PRRC2C: variants seen among roughly 807,000 people sequenced by gnomAD.
The protein encoded by PRRC2C is protein PRRC2C.
Under a neutral mutation model 317.2 loss-of-function variants are expected in PRRC2C, and 72 were observed. That is an observed-to-expected ratio of 0.23 (90% CI 0.19 to 0.28). The LOEUF is 0.28. Among genes scored for constraint, PRRC2C ranks in the 10% least tolerant of loss-of-function variants. The probability of loss-of-function intolerance (pLI) is 1.00; values close to 1 mark genes in which losing one functional copy is unlikely to be tolerated. For synonymous variants in PRRC2C, 1,296 were observed against 1,205.9 expected (o/e 1.07, Z -1.55); for missense variants, 3,074 against 3,459.7 (o/e 0.89, Z 2.80).
chr1:171,536,095 T>A lies in PRRC2C; in HGVS notation c.2110T>A (p.Ser704Thr). 1 of 1,558,230 alleles carries A rather than the reference T, an allele frequency of 6.4e-7. No homozygotes were observed. Among genetic ancestry groups the A allele is most frequent in the African/African-American group, 1.4e-5 (1 of 73,696 alleles). Residue 704 changes from serine (S) to threonine (T), a missense_variant, in exon 14 of 35, where the codon TCA becomes ACA. Ser to Thr is a moderately conservative substitution (Grantham distance 58, BLOSUM62 1). Coordinates refer to ENST00000647382, the MANE Select transcript of PRRC2C (RefSeq NM_001387844.1). ...AGGTGTACTTCCACAGACTGTTCCT[T>A]CACAACCGTCCAGTAGTACTGTCCC... ...QQGVLPQTVP[S>T]QPSSSTVPPP...
chr1:171,591,661 A>T lies in PRRC2C; in HGVS notation c.8511A>T (p.Gly2837=). 2 of 1,613,934 alleles carry T rather than the reference A, an allele frequency of 1.2e-6. No individual in the cohort carries two copies. Among genetic ancestry groups the T allele is most frequent in the Non-Finnish European group, 1.7e-6 (2 of 1,179,874 alleles). ...AACAGCAACAGAGCAAACAGATAGG[A>T]GGAGGCAAAGCCCAGAAAGTGGACA... The part of the protein sequence containing the change: ...FSEQQQSKQI[G]GGKAQKVDSD... The change falls in exon 35 of 35, where the codon GGA becomes GGT. Residue 2837 remains glycine (G), a synonymous_variant. Coordinates refer to ENST00000647382, the MANE Select transcript of PRRC2C (RefSeq NM_001387844.1).
chr1:171,570,974 A>G (rs1239612232), intron 23 of PRRC2C, among the ~76,000 whole-genome samples: 1 of 152,176 alleles, frequency 6.6e-6, no homozygotes, highest in Admixed American at 6.6e-5. Flanking sequence ...ACATAGACCA[A>G]TTGAATCAAA....
chr1:171,589,348 T>G, intron 33 of PRRC2C, 21 bp from the exon 34 acceptor site: 9 of 959,258 alleles, frequency 9.4e-6, no homozygotes, highest in East Asian at 6.2e-5. Context: ...CAATGTTGTA[T>G]GTTTTGTTTT....
At chr1:171,511,889 G>A (rs1055253140) in intron 1 of PRRC2C, 143 bp from the exon 2 acceptor site, 2 of 430,536 alleles carry the variant, frequency 4.6e-6, no homozygotes, top group Non-Finnish European at 8.7e-6. Flanking sequence ...GATCAATTTT[G>A]TTGTGTATTG....
chr1:171,508,242 A>T (rs186081792), intron 1 of PRRC2C, among the ~76,000 whole-genome samples: 1 of 152,292 alleles, frequency 6.6e-6, no homozygotes, highest in African/African-American at 2.4e-5. Context: ...AAAAGCCTTC[A>T]GGTTTTTCCC....
chr1:171,584,307 C>G, intron 29 of PRRC2C, 112 bp from the exon 30 acceptor site: 1 of 1,350,198 alleles, frequency 7.4e-7, no homozygotes, highest in Non-Finnish European at 1.0e-6. Flanking sequence ...AAAGTCCTTT[C>G]ATTTATCTAA....
Position 171,541,853 on chromosome 1 carries a change from G to A in PRRC2C, c.4387G>A (p.Val1463Ile), listed in dbSNP as rs777749031. The change falls in exon 16 of 35, where the codon GTT becomes ATT. Residue 1463 changes from valine to isoleucine, a missense_variant. Physicochemically the swap from Val to Ile is conservative, Grantham distance 29 (BLOSUM62 3). Around this residue, in one of 11 missense-constraint regions of PRRC2C, gnomAD observed 1,320 missense variants for 1,395.7 expected, o/e 0.95. Coordinates refer to ENST00000647382, the MANE Select transcript of PRRC2C (RefSeq NM_001387844.1). The surrounding 1 kb of genome is among the most constrained non-coding windows in gnomAD (Gnocchi z 4.1). ...GGTAGCAGTGCCCACAAATGGCACAGTTAATAATGTGGCTCAAGAACCAGT... is the reference window on the plus strand; with the variant it reads ...GGTAGCAGTGCCCACAAATGGCACAATTAATAATGTGGCTCAAGAACCAGT... Reference protein sequence around the residue: ...EVVAVPTNGTVNNVAQEPVNT... With the variant: ...EVVAVPTNGTINNVAQEPVNT... 2.5e-6 allele frequency: 4 copies of A among 1,613,906 alleles called. No individual in the cohort carries two copies. Among genetic ancestry groups the A allele is most frequent in the South Asian group, 2.2e-5 (2 of 91,088 alleles).
chr1:171,533,767 G>A (rs1442395141), intron 12 of PRRC2C, among the ~76,000 whole-genome samples: 1 of 152,152 alleles, frequency 6.6e-6, no homozygotes, highest in African/African-American at 2.4e-5. Flanking sequence ...GGGGCTACAG[G>A]CGCGTGCCAC....
chr1:171,496,199 C>CTTTTTTTTTTTTT (rs528654548), intron 1 of PRRC2C, among the ~76,000 whole-genome samples: 887 of 75,612 alleles, frequency 0.012, 97 homozygotes, highest in Non-Finnish European at 0.014. Flanking sequence ...ATTTTTGTGC[C>CTTTTTTTTTTTTT]TTTTTTTTTT....
intron 12 of PRRC2C, 109 bp from the exon 13 acceptor site, chr1:171,535,319 G>T: frequency 1.1e-6 from 1 of 912,392 alleles, no homozygotes. Context: ...GAGTGTCGAG[G>T]ATATTTTCTT....
Position 171,537,375 on chromosome 1 carries a change from T to C in PRRC2C, c.2406T>C (p.Leu802=). 2 of 1,590,442 alleles carry C rather than the reference T, an allele frequency of 1.3e-6. No individual in the cohort carries two copies. The highest frequency in any genetic ancestry group is 1.7e-6 in the Non-Finnish European group (2 of 1,167,560). ...CTGCAAGAGATCACGCAATTTCCCT[T>C]TCTGAGCCTCGTATGCTGTGGGGGT... ...ARSARDHAIS[L]SEPRMLWGSD... is the part of the protein sequence containing the mutation. The change falls in exon 15 of 35, where the codon CTT becomes CTC. Residue 802 remains leucine (L), a synonymous_variant. Coordinates refer to ENST00000647382, the MANE Select transcript of PRRC2C (RefSeq NM_001387844.1).
In PRRC2C at chr1:171,579,389, T is replaced by G. The variant is rs770795116; in HGVS notation, c.7195T>G (p.Leu2399Val). The change falls in exon 27 of 35, where the codon TTA (leucine) becomes GTA (valine). Residue 2399 changes from leucine (L) to valine (V), a missense_variant. By Grantham distance (32) the Leu-to-Val change is conservative. Transcript: ENST00000647382. The part of the protein sequence containing the change: ...IPAFYMDTSH[L>V]FNTQHARLAP... ...AGCCTTCTATATGGACACAAGTCATTTATTCAATACCCAACATGCACGATT... is the reference window on the plus strand; with the variant it reads ...AGCCTTCTATATGGACACAAGTCATGTATTCAATACCCAACATGCACGATT... 1.2e-6 allele frequency: 2 copies of G among 1,613,954 alleles called. No individual in the cohort carries two copies. The highest frequency in any genetic ancestry group is 1.7e-6 in the Non-Finnish European group (2 of 1,179,868).
intron 11 of PRRC2C, among the ~76,000 whole-genome samples, chr1:171,529,825 CTCT>C (rs1320764887): frequency 6.6e-6 from 1 of 152,190 alleles, no homozygotes; most frequent in African/African-American, 2.4e-5. Context: ...ATACACATTG[CTCT>C]TCTTGACTTT....
At chr1:171,503,079 A>G (rs1669444054) in intron 1 of PRRC2C, among the ~76,000 whole-genome samples, 1 of 152,202 alleles carries the variant, frequency 6.6e-6, no homozygotes, top group Non-Finnish European at 1.5e-5. Flanking sequence ...TATAAGAGAG[A>G]AGTAAATACT....
chr1:171,575,173 A>G, intron 25 of PRRC2C, 45 bp downstream of exon 25: 1 of 1,485,614 alleles, frequency 6.7e-7, no homozygotes, highest in South Asian at 1.2e-5. Flanking sequence ...TACATTATTT[A>G]AAATTTTTTA....
intron 3 of PRRC2C, 36 bp downstream of exon 3, chr1:171,513,208 CCTTT>C: frequency 6.4e-7 from 1 of 1,567,886 alleles, no homozygotes; most frequent in East Asian, 2.3e-5. Context: ...AAGCCCTTCC[CCTTT>C]CTTTGTAGGG....
rs1685413799 is a variant in PRRC2C at position 171,574,802 on chromosome 1, T to C, written c.6754-125T>C. The C allele has an allele frequency of 1.4e-5, 13 of 898,602 alleles. No homozygotes were observed. The South Asian group carries it at 2.3e-4, about 16-fold the overall frequency. The allele number at this position is 898,602 out of a possible 1,614,324, so 55.7% of individuals were successfully genotyped here. On this transcript the variant is annotated intron_variant, in intron 24 of 34. Coordinates refer to ENST00000647382, the MANE Select transcript of PRRC2C (RefSeq NM_001387844.1). ...CTTAGGGTCTTAGATTTTCTTTAAA[T>C]ATCTTTGTGTGTGTGTGGTTTTTGA... is the stretch of plus-strand genomic sequence containing the variant.
intron 1 of PRRC2C, among the ~76,000 whole-genome samples, chr1:171,492,448 T>G (rs1212996905): frequency 6.6e-6 from 1 of 152,168 alleles, no homozygotes; most frequent in African/African-American, 2.4e-5. Flanking sequence ...TCTTAGCTAC[T>G]TGGAAGGCTG....
intron 4 of PRRC2C, among the ~76,000 whole-genome samples, chr1:171,515,001 C>G (rs1367146320): frequency 1.3e-5 from 2 of 152,202 alleles, no homozygotes. Context: ...CCCAACATCT[C>G]CTGTTTCAGA....
Sources: allele counts gnomAD v4.1 joint callset (sites outside exome capture counted in the v4.1 genomes callset), GRCh38; gene constraint gnomAD v4.1.1; regional missense constraint gnomAD v4.1.1; non-coding constraint Gnocchi (gnomAD v3.1); transcripts MANE v1.5; gene names NCBI Gene and HGNC (gene_info 2026-07-23, HGNC 2026-07-21).